Variants in OPCML observed in about 807,000 individuals in gnomAD.
OPCML encodes the protein opioid-binding protein/cell adhesion molecule.
Under a neutral mutation model 37.8 loss-of-function variants are expected in OPCML, and 13 were observed. That is an observed-to-expected ratio of 0.34 (90% CI 0.22 to 0.55). The LOEUF is 0.55. OPCML is among the 20% of genes least tolerant of loss of function. The pLI is 0.91. For missense variants in OPCML, 341 were observed against 435.6 expected (o/e 0.78, Z 1.93); for synonymous variants, 176 against 168.8 (o/e 1.04, Z -0.33).
chr11:133,214,083 G>A (rs1049542529), intron 1 of OPCML, among the ~76,000 whole-genome samples: 1 of 152,064 alleles, frequency 6.6e-6, no homozygotes, highest in African/African-American at 2.4e-5. Flanking sequence ...AATAAAGGAT[G>A]AAACACTTTT....
chr11:133,140,531 T>TAATAATAATAAGAAGAAGAAGAAGAAG lies in OPCML; in HGVS notation c.62-197522_62-197521insCTTCTTCTTCTTCTTCTTATTATTATT, dbSNP rs1272061685. On this transcript the variant is annotated intron_variant, in intron 1 of 7. Transcript: ENST00000524381. ...TGTCTCAAAATAATAATAATAATAATAAGAAGAAGAAGAAGAAGAAGAAGA... is the reference window on the plus strand; with the variant it reads ...TGTCTCAAAATAATAATAATAATAATAATAATAATAAGAAGAAGAAGAAGAAGAAGAAGAAGAAGAAGAAGAAGAAGA... Among the ~76,000 whole-genome samples, 158 of 88,084 alleles carry TAATAATAATAAGAAGAAGAAGAAGAAG rather than the reference T, an allele frequency of 1.8e-3. 1 individual carries two copies. The highest frequency in any genetic ancestry group is 2.7e-3 in the Non-Finnish European group (122 of 45,214). The allele number at this position is 88,084 out of a possible 152,430, so 57.8% of individuals were successfully genotyped here.
At chr11:133,338,036 AG>A (rs1232253768) in intron 1 of OPCML, among the ~76,000 whole-genome samples, 1 of 152,056 alleles carries the variant, frequency 6.6e-6, no homozygotes, top group Non-Finnish European at 1.5e-5. Context: ...TGGCTCACAA[AG>A]CCTCTGACTC....
intron 1 of OPCML, among the ~76,000 whole-genome samples, chr11:133,323,242 C>T (rs1004285595): frequency 6.6e-6 from 1 of 152,126 alleles, no homozygotes; most frequent in Non-Finnish European, 1.5e-5. Context: ...GGCAAAACAT[C>T]AATTATCACC....
chr11:132,658,007 G>T (rs1247156022), intron 2 of OPCML, among the ~76,000 whole-genome samples: 1 of 152,130 alleles, frequency 6.6e-6, no homozygotes, highest in Non-Finnish European at 1.5e-5. Context: ...ATCAAAGCAG[G>T]GAACTGTGCA....
rs544634191 is a variant in OPCML at position 133,437,625 on chromosome 11, C to T, written c.61+94639G>A. On this transcript the variant is annotated intron_variant, in intron 1 of 7. Coordinates refer to ENST00000524381, the MANE Select transcript of OPCML (RefSeq NM_001012393.5). ...ATGCACTTCAAAACCTCTGCAACCC[C>T]GCTCACCTCTCCCCTCTCAACCCCG... 6.6e-4 allele frequency among the ~76,000 whole-genome samples: 98 copies of T among 147,668 alleles called. 3 individuals carry two copies. The highest frequency in any genetic ancestry group is 2.3e-3 in the African/African-American group (89 of 39,344).
intron 1 of OPCML, among the ~76,000 whole-genome samples, chr11:133,368,934 A>G (rs999581794): frequency 6.6e-6 from 1 of 152,236 alleles, no homozygotes; most frequent in Non-Finnish European, 1.5e-5. Context: ...TCTGATAAAC[A>G]TAGCTATACA....
chr11:133,297,036 C>T (rs1024179684), intron 1 of OPCML, among the ~76,000 whole-genome samples: 18 of 152,234 alleles, frequency 1.2e-4, no homozygotes, highest in South Asian at 4.1e-4. Flanking sequence ...CCATGTGCCC[C>T]GCCATGCTGC....
chr11:132,909,746 C>T (rs1403517542), intron 2 of OPCML, among the ~76,000 whole-genome samples: 1 of 152,160 alleles, frequency 6.6e-6, no homozygotes, highest in East Asian at 1.9e-4. Flanking sequence ...AGCCAGTGGG[C>T]AGGGCAGCCA....
intron 2 of OPCML, among the ~76,000 whole-genome samples, chr11:132,755,988 C>G (rs979153904): frequency 6.6e-6 from 1 of 152,126 alleles, no homozygotes; most frequent in Non-Finnish European, 1.5e-5. Context: ...CAGGAAACAC[C>G]ATGTCCCCTG....
intron 1 of OPCML, among the ~76,000 whole-genome samples, chr11:133,432,596 G>A (rs1946145758): frequency 6.6e-6 from 1 of 152,108 alleles, no homozygotes; most frequent in Non-Finnish European, 1.5e-5. Context: ...TGAATTTTGT[G>A]TTAAATCTGG....
intron 1 of OPCML, among the ~76,000 whole-genome samples, chr11:133,523,034 C>T (rs537977098): frequency 4.6e-5 from 7 of 152,152 alleles, no homozygotes; most frequent in South Asian, 2.1e-4. Context: ...GTCCAATTAG[C>T]GCTTTTCTAA....
At chr11:133,317,511 C>T (rs1332182188) in intron 1 of OPCML, among the ~76,000 whole-genome samples, 1 of 152,150 alleles carries the variant, frequency 6.6e-6, no homozygotes, top group Non-Finnish European at 1.5e-5. Context: ...ATTTCCTTTT[C>T]CTTGGGCCCA....
At chr11:133,281,145 C>A (rs1002204027) in intron 1 of OPCML, among the ~76,000 whole-genome samples, 1 of 152,144 alleles carries the variant, frequency 6.6e-6, no homozygotes, top group Non-Finnish European at 1.5e-5. Flanking sequence ...AAGGGGGAAG[C>A]CCTGCTTAAA....
chr11:133,119,716 T>C (rs74675712), intron 1 of OPCML, among the ~76,000 whole-genome samples: 1,613 of 152,234 alleles, frequency 0.011, 31 homozygotes, highest in African/African-American at 0.038. Context: ...ACAAAGGAGA[T>C]GACTGAACTG....
rs192902198 is a variant in OPCML, at chr11:133,152,276, G to A, written c.62-209266C>T. ...TACCACTCAGCTCCCCGAAGAAAGC[G>A]GAAAAGAGTGTTTGCCTTCTATTTT... On this transcript the variant is annotated intron_variant, in intron 1 of 7. Transcript: ENST00000524381. Among the ~76,000 whole-genome samples, 1,170 of 152,212 alleles carry A rather than the reference G, an allele frequency of 7.7e-3. 9 individuals carry two copies. Among genetic ancestry groups the A allele is most frequent in the Non-Finnish European group, 0.013 (854 of 68,008 alleles).
chr11:133,338,544 G>A (rs11828636), intron 1 of OPCML, among the ~76,000 whole-genome samples: 5,669 of 152,216 alleles, frequency 0.037, 363 homozygotes, highest in African/African-American at 0.13. Context: ...TGGCCCTTCC[G>A]GCCAGCCAAT....
intron 1 of OPCML, among the ~76,000 whole-genome samples, chr11:133,268,800 C>T (rs554757814): frequency 1.2e-4 from 18 of 152,270 alleles, no homozygotes; most frequent in East Asian, 9.6e-4. Flanking sequence ...CCTTTGAGTA[C>T]GATATGAGTA....
chr11:133,232,787 GCGACCCTCACC>G (rs1220678147), intron 1 of OPCML, among the ~76,000 whole-genome samples: 1 of 152,154 alleles, frequency 6.6e-6, no homozygotes, highest in Non-Finnish European at 1.5e-5. Flanking sequence ...GAGGGGAAAA[GCGACCCTCACC>G]AAACAGGTCG....
At chr11:132,989,910 A>T (rs1946745274) in intron 1 of OPCML, among the ~76,000 whole-genome samples, 1 of 152,150 alleles carries the variant, frequency 6.6e-6, no homozygotes, top group Admixed American at 6.5e-5. Flanking sequence ...AAATACATTT[A>T]TTTTATCACC....
Sources: gnomAD v4.1 joint callset for allele counts (sites outside exome capture counted in the v4.1 genomes callset) on GRCh38, gnomAD v4.1.1 for gene constraint, MANE v1.5 for transcripts, NCBI Gene and HGNC (gene_info 2026-07-23, HGNC 2026-07-21) for gene names.